CACNA2D1: variants seen among roughly 807,000 people sequenced by gnomAD.
CACNA2D1 encodes the protein voltage-dependent calcium channel subunit alpha-2/delta-1.
Under a neutral mutation model 171.5 loss-of-function variants are expected in CACNA2D1, and 53 were observed. The observed-to-expected ratio is 0.31, with a 90% CI of 0.25 to 0.39. The LOEUF (loss-of-function observed/expected upper bound fraction) is 0.39. CACNA2D1 is among the 10% of genes least tolerant of loss of function. The pLI is 1.00. For missense variants in CACNA2D1, 903 were observed against 1,299.8 expected (o/e 0.69, Z 4.69); for synonymous variants, 442 against 443.1 (o/e 1.00, Z 0.03).
intron 1 of CACNA2D1, among the ~76,000 whole-genome samples, chr7:82,357,993 C>T (rs1018346469): frequency 2.6e-5 from 4 of 151,954 alleles, no homozygotes; most frequent in East Asian, 1.9e-4. Flanking sequence ...TTTAAGAAAT[C>T]GTTTATTTTT....
At chr7:82,416,491 T>C (rs536811761) in intron 1 of CACNA2D1, among the ~76,000 whole-genome samples, 1 of 152,220 alleles carries the variant, frequency 6.6e-6, no homozygotes, top group Non-Finnish European at 1.5e-5. Flanking sequence ...AATTAAGGTG[T>C]CGGCAGGGTC....
chr7:82,434,784 C>T (rs1011866986), intron 1 of CACNA2D1, among the ~76,000 whole-genome samples: 2 of 152,106 alleles, frequency 1.3e-5, no homozygotes, highest in Non-Finnish European at 2.9e-5. Context: ...CCACTGAAAC[C>T]ATGCTTCTGT....
At chr7:82,235,084 T>C (rs1485905368) in intron 3 of CACNA2D1, among the ~76,000 whole-genome samples, 2 of 152,124 alleles carry the variant, frequency 1.3e-5, no homozygotes, top group African/African-American at 4.8e-5. Flanking sequence ...CTCCCCTGGC[T>C]AAGTGAGCAC....
At chr7:82,295,543 A>G (rs1812164424) in intron 3 of CACNA2D1, among the ~76,000 whole-genome samples, 1 of 151,354 alleles carries the variant, frequency 6.6e-6, no homozygotes, top group Non-Finnish European at 1.5e-5. Context: ...CTTTTAAGAG[A>G]TGGGGTTTCA....
chr7:82,283,403 T>C (rs1052549685), intron 3 of CACNA2D1, among the ~76,000 whole-genome samples: 2 of 152,216 alleles, frequency 1.3e-5, no homozygotes, highest in African/African-American at 4.8e-5. Flanking sequence ...AAATAGCTTA[T>C]GATTTTATAG....
intron 3 of CACNA2D1, among the ~76,000 whole-genome samples, chr7:82,195,409 A>G (rs1340687819): frequency 6.6e-6 from 1 of 152,016 alleles, no homozygotes; most frequent in Non-Finnish European, 1.5e-5. Context: ...AAGGAGGTCC[A>G]AAGTATATTG....
At position 81,974,546 on chromosome 7, in the gene CACNA2D1, G is replaced by A. The variant is rs1795625802; in HGVS notation, c.1962C>T (p.Tyr654=). The A allele has an allele frequency of 2.0e-6, 3 of 1,474,090 alleles. No individual in the cohort carries two copies. The highest frequency in any genetic ancestry group is 2.8e-6 in the Non-Finnish European group (3 of 1,058,112). The allele number at this position is 1,474,090 out of a possible 1,614,324, so 91.3% of individuals were successfully genotyped here. Residue 654 remains tyrosine (Y), a synonymous_variant, in exon 25 of 39, where the codon TAC becomes TAT. Transcript: ENST00000356860. ...SGYTFIAPRD[Y]CNDLKISDNN... Reference sequence around the variant, plus strand: ...TATCCGATATTTTCAGGTCATTGCAGTAATCTCTGAAAAAAAAACATTTTG... The same window carrying A: ...TATCCGATATTTTCAGGTCATTGCAATAATCTCTGAAAAAAAAACATTTTG...
At chr7:82,110,435 A>G (rs574794157) in intron 6 of CACNA2D1, among the ~76,000 whole-genome samples, 30 of 152,290 alleles carry the variant, frequency 2.0e-4, no homozygotes, top group South Asian at 1.2e-3. Flanking sequence ...ACTGGGCACC[A>G]ACCTGCACCT....
chr7:82,275,174 C>T (rs1166899499), intron 3 of CACNA2D1, among the ~76,000 whole-genome samples: 2 of 68,934 alleles, frequency 2.9e-5, no homozygotes, highest in African/African-American at 2.1e-4. Flanking sequence ...AAATTTATCA[C>T]TTAAATTTAT....
chr7:82,240,967 A>C (rs189129575), intron 3 of CACNA2D1, among the ~76,000 whole-genome samples: 2,146 of 138,950 alleles, frequency 0.015, 31 homozygotes, highest in Middle Eastern at 0.064. Context: ...ACTCCATCTC[A>C]AAAAAAAAAA....
intron 5 of CACNA2D1, among the ~76,000 whole-genome samples, chr7:82,133,496 T>A (rs1329602409): frequency 6.6e-6 from 1 of 152,218 alleles, no homozygotes; most frequent in African/African-American, 2.4e-5. Context: ...GAACTTGGTC[T>A]GGTCCTTTTT....
At chr7:82,435,486 A>G (rs1228779102) in intron 1 of CACNA2D1, among the ~76,000 whole-genome samples, 1 of 152,144 alleles carries the variant, frequency 6.6e-6, no homozygotes, top group African/African-American at 2.4e-5. Context: ...CATGATCTAC[A>G]TGTTAGAGAT....
At chr7:82,278,080 C>A (rs1028580461) in intron 3 of CACNA2D1, among the ~76,000 whole-genome samples, 1 of 152,038 alleles carries the variant, frequency 6.6e-6, no homozygotes, top group Non-Finnish European at 1.5e-5. Flanking sequence ...ATTTTTAGCT[C>A]TCTGACAACA....
intron 1 of CACNA2D1, among the ~76,000 whole-genome samples, chr7:82,416,831 G>T (rs1209745157): frequency 6.6e-6 from 1 of 152,084 alleles, no homozygotes; most frequent in Admixed American, 6.5e-5. Context: ...AACCCATGTG[G>T]GTACTCGACA....
At chr7:82,099,419 CTTCTTTTTTTTTTTTTTTTT>C (rs1812359137) in intron 6 of CACNA2D1, among the ~76,000 whole-genome samples, 20 of 50,578 alleles carry the variant, frequency 4.0e-4, no homozygotes, top group East Asian at 2.2e-3. Flanking sequence ...GTAGCAATAC[CTTCTTTTTTTTTTTTTTTTT>C]TTTTTTTTTT....
chr7:81,985,031 T>G (rs1316144925), intron 21 of CACNA2D1, among the ~76,000 whole-genome samples: 1 of 151,930 alleles, frequency 6.6e-6, no homozygotes, highest in East Asian at 1.9e-4. Flanking sequence ...TTAAATTACT[T>G]TGAATTTTAA....
At chr7:82,419,973 G>A (rs1338200248) in intron 1 of CACNA2D1, among the ~76,000 whole-genome samples, 2 of 152,068 alleles carry the variant, frequency 1.3e-5, no homozygotes, top group African/African-American at 4.8e-5. Context: ...GTAGAGAGAG[G>A]CCAAGGACGC....
At chr7:82,350,905 G>A (rs147879430) in intron 1 of CACNA2D1, among the ~76,000 whole-genome samples, 5 of 152,302 alleles carry the variant, frequency 3.3e-5, no homozygotes, top group African/African-American at 9.6e-5. Context: ...AGCTATGGAT[G>A]TCAGGATATT....
intron 28 of CACNA2D1, among the ~76,000 whole-genome samples, chr7:81,969,198 G>C (rs2130406520): frequency 6.6e-6 from 1 of 151,414 alleles, no homozygotes. Flanking sequence ...ACATTAATTA[G>C]CTTGGTTGCA....
Sources: allele counts gnomAD v4.1 joint callset (sites outside exome capture counted in the v4.1 genomes callset), GRCh38; gene constraint gnomAD v4.1.1; transcripts MANE v1.5; gene names NCBI Gene and HGNC (gene_info 2026-07-23, HGNC 2026-07-21).